SUMF1: variants seen among roughly 807,000 people sequenced by gnomAD.
SUMF1 encodes formylglycine-generating enzyme.
SUMF1 carries 48 observed loss-of-function variants against 47.6 expected under a neutral mutation model. The ratio of observed to expected loss-of-function variants is 1.01; its 90% CI spans 0.80 to 1.28. SUMF1 has a LOEUF of 1.28. Among genes scored for constraint, SUMF1 ranks in the 50% most tolerant of loss-of-function variants. SUMF1 has a pLI of 0.00. For synonymous variants in SUMF1, 230 were observed against 192.1 expected (o/e 1.20, Z -1.63); for missense variants, 571 against 485.4 (o/e 1.18, Z -1.66).
intron 8 of SUMF1, among the ~76,000 whole-genome samples, chr3:4,293,261 T>G (rs1274638272): frequency 1.3e-5 from 2 of 152,142 alleles, no homozygotes; most frequent in Non-Finnish European, 2.9e-5. Flanking sequence ...TCCTAATGAT[T>G]AGATTAGAAT....
intron 8 of SUMF1, chr3:4,317,023 C>A (rs1028394852): frequency 9.0e-6 from 14 of 1,549,402 alleles, no homozygotes; most frequent in Non-Finnish European, 1.0e-5. Flanking sequence ...GAAGTTTTGC[C>A]TCATCCACCG....
chr3:4,350,358 A>T (rs991537653), intron 8 of SUMF1, among the ~76,000 whole-genome samples: 2 of 55,178 alleles, frequency 3.6e-5, no homozygotes, highest in Admixed American at 2.6e-4. Context: ...TGTGTGTATA[A>T]TTGTGTGTGT....
Position 4,176,977 on chromosome 3 carries a change from A to G in SUMF1, c.1015-108232T>C, listed in dbSNP as rs58544266. On this transcript the variant is annotated intron_variant and NMD_transcript_variant, in intron 8 of 12. Transcript: ENST00000448413. ...ATAATGGTAAAGGGATCAATTCAAC[A>G]AGAAGAGCTAACTATCCTAAATATA... Among the ~76,000 whole-genome samples the G allele has an allele frequency of 6.8e-3, 1,035 of 152,324 alleles. 17 individuals are homozygous for G. Among genetic ancestry groups the G allele is most frequent in the African/African-American group, 0.024 (988 of 41,574 alleles).
At chr3:4,196,156 C>T (rs1695424287) in intron 8 of SUMF1, among the ~76,000 whole-genome samples, 2 of 152,096 alleles carry the variant, frequency 1.3e-5, no homozygotes, top group Non-Finnish European at 2.9e-5. Flanking sequence ...AGTCCAGAAG[C>T]ATGCAGTTGT....
chr3:4,459,875 A>C (rs1296182916), intron 1 of SUMF1, among the ~76,000 whole-genome samples: 1 of 152,190 alleles, frequency 6.6e-6, no homozygotes, highest in African/African-American at 2.4e-5. Flanking sequence ...TTAAGCCCCT[A>C]CTAATCCTTC....
At chr3:4,419,980 T>G in intron 4 of SUMF1, 84 bp downstream of exon 4, 1 of 1,029,368 alleles carries the variant, frequency 9.7e-7, no homozygotes. Flanking sequence ...TAGATGAAGA[T>G]GCCCACTGAG....
At chr3:4,335,753 G>A (rs545355961) in intron 8 of SUMF1, among the ~76,000 whole-genome samples, 2 of 152,002 alleles carry the variant, frequency 1.3e-5, no homozygotes, top group South Asian at 4.2e-4. Flanking sequence ...GACCAGCCTG[G>A]CCAAGAGACC....
At chr3:4,273,752 G>A (rs1559640287) in intron 8 of SUMF1, among the ~76,000 whole-genome samples, 1 of 105,532 alleles carries the variant, frequency 9.5e-6, no homozygotes, top group Admixed American at 9.9e-5. Flanking sequence ...CGGGAGGGAG[G>A]ATACGGGAGG....
At chr3:4,072,239 C>T (rs914446421) in intron 8 of SUMF1, among the ~76,000 whole-genome samples, 8 of 152,078 alleles carry the variant, frequency 5.3e-5, no homozygotes, top group Admixed American at 3.9e-4. Context: ...ATACAAGGGG[C>T]CTGACTGTTA....
At chr3:4,420,032 T>C (rs991288818) in intron 4 of SUMF1, 32 bp downstream of exon 4, 3 of 1,596,726 alleles carry the variant, frequency 1.9e-6, no homozygotes, top group African/African-American at 2.7e-5. Flanking sequence ...GCAATGGAAC[T>C]TGTCAACTGG....
chr3:4,047,102 C>G (rs889648442), intron 9 of SUMF1, among the ~76,000 whole-genome samples: 1 of 152,044 alleles, frequency 6.6e-6, no homozygotes, highest in Non-Finnish European at 1.5e-5. Context: ...CACTCCTGCC[C>G]CAGATCTTTG....
At chr3:4,345,336 T>C (rs1423778872) in intron 8 of SUMF1, among the ~76,000 whole-genome samples, 3 of 152,224 alleles carry the variant, frequency 2.0e-5, no homozygotes, top group Non-Finnish European at 4.4e-5. Flanking sequence ...AGCGGATCTC[T>C]TGGCAGAAAC....
At chr3:4,323,043 T>C (rs988709630) in intron 8 of SUMF1, among the ~76,000 whole-genome samples, 3 of 152,182 alleles carry the variant, frequency 2.0e-5, no homozygotes, top group Non-Finnish European at 4.4e-5. Flanking sequence ...TGAAATATTA[T>C]TTAGCCATAA....
intron 8 of SUMF1, among the ~76,000 whole-genome samples, chr3:4,219,999 C>G (rs1019754747): frequency 6.6e-6 from 1 of 152,108 alleles, no homozygotes; most frequent in Non-Finnish European, 1.5e-5. Context: ...TCTAGGAGAA[C>G]TGTCTGAGAT....
chr3:4,296,034 T>C (rs1245885559), intron 8 of SUMF1, among the ~76,000 whole-genome samples: 4 of 152,114 alleles, frequency 2.6e-5, no homozygotes, highest in Non-Finnish European at 4.4e-5. Flanking sequence ...AGGGTCACAA[T>C]TTTGTAAGAT....
At chr3:4,348,565 C>T (rs1452288741) in intron 8 of SUMF1, among the ~76,000 whole-genome samples, 2 of 151,998 alleles carry the variant, frequency 1.3e-5, no homozygotes, top group Non-Finnish European at 2.9e-5. Flanking sequence ...AACCCAAAAC[C>T]ATAAAAACCT....
chr3:4,373,994 T>TA (rs35525082), intron 8 of SUMF1, among the ~76,000 whole-genome samples: 94,456 of 151,924 alleles, frequency 0.62, 32,997 homozygotes, highest in East Asian at 0.79. Flanking sequence ...CCATTGCTGA[T>TA]AAAAAACTCT....
At chr3:4,054,961 G>A (rs1026677493) in intron 9 of SUMF1, among the ~76,000 whole-genome samples, 3 of 152,052 alleles carry the variant, frequency 2.0e-5, no homozygotes, top group African/African-American at 7.2e-5. Flanking sequence ...ACCAATGTAC[G>A]CCCAGGGTCT....
intron 8 of SUMF1, among the ~76,000 whole-genome samples, chr3:4,178,731 G>A (rs779220825): frequency 7.2e-5 from 11 of 152,248 alleles, no homozygotes; most frequent in African/African-American, 2.4e-4. Context: ...TATTCAATTA[G>A]GAAATGAGGA....
Sources: gnomAD v4.1 joint callset for allele counts (sites outside exome capture counted in the v4.1 genomes callset) on GRCh38, gnomAD v4.1.1 for gene constraint, MANE v1.5 for transcripts, NCBI Gene and HGNC (gene_info 2026-07-23, HGNC 2026-07-21) for gene names.